The following TRPS1 variants were observed in gnomAD, a reference collection of about 807,000 sequenced individuals.
TRPS1 encodes the protein transcriptional repressor GATA binding 1.
Under a neutral mutation model 101.2 loss-of-function variants are expected in TRPS1, and 6 were observed. The observed-to-expected ratio is 0.06, with a 90% confidence interval of 0.03 to 0.12. TRPS1 has a LOEUF of 0.12. Ranked by LOEUF, TRPS1 falls within the 10% of genes least tolerant of loss-of-function variation. The pLI, the probability that TRPS1 is intolerant of heterozygous loss-of-function variation, is 1.00. For missense variants in TRPS1, 1,363 were observed against 1,567.0 expected (o/e 0.87, Z 2.20); for synonymous variants, 578 against 589.8 (o/e 0.98, Z 0.29).
At chr8:115,517,315 C>T (rs890865070) in intron 5 of TRPS1, among the ~76,000 whole-genome samples, 1 of 151,584 alleles carries the variant, frequency 6.6e-6, no homozygotes, top group South Asian at 2.1e-4. Context: ...TAAATACACA[C>T]CTTCTCTGGA....
chr8:115,490,555 C>G (rs187690835), intron 5 of TRPS1, among the ~76,000 whole-genome samples: 15 of 152,244 alleles, frequency 9.9e-5, no homozygotes, highest in Non-Finnish European at 2.1e-4. Flanking sequence ...CTAGAAGCAG[C>G]TATAAACTTA....
At chr8:115,508,740 C>T (rs962705283) in intron 5 of TRPS1, among the ~76,000 whole-genome samples, 1 of 151,944 alleles carries the variant, frequency 6.6e-6, no homozygotes, top group Non-Finnish European at 1.5e-5. Flanking sequence ...AAACCTTTCT[C>T]TTGTAACTTT....
At chr8:115,605,064 A>T in intron 3 of TRPS1, 62 bp from the exon 4 acceptor site, 10 of 1,486,756 alleles carry the variant, frequency 6.7e-6, no homozygotes, top group African/African-American at 1.4e-5. Flanking sequence ...GGCCCTCTGC[A>T]GGGGAGGGGG....
At chr8:115,618,459 A>C (rs532590340) in intron 3 of TRPS1, among the ~76,000 whole-genome samples, 11 of 152,186 alleles carry the variant, frequency 7.2e-5, no homozygotes, top group Non-Finnish European at 1.3e-4. Context: ...AAAAGTAAAA[A>C]TCTAAATTAT....
chr8:115,427,990 T>C (rs1813230749), intron 5 of TRPS1, among the ~76,000 whole-genome samples: 1 of 152,158 alleles, frequency 6.6e-6, no homozygotes, highest in South Asian at 2.1e-4. Flanking sequence ...GCCTGCTACA[T>C]GGGAGGTTAG....
chr8:115,640,064 C>A (rs1818860500), intron 1 of TRPS1, among the ~76,000 whole-genome samples: 1 of 152,290 alleles, frequency 6.6e-6, no homozygotes, highest in South Asian at 2.1e-4. Flanking sequence ...AGTATCAAAA[C>A]ACCTTAATTC....
Position 115,587,313 on chromosome 8 carries a change from C to G in TRPS1, c.2388G>C (p.Glu796Asp), listed in dbSNP as rs1701828969. Residue 796 changes from glutamate to aspartate, a missense_variant, in exon 5 of 7, where the codon GAG (glutamate) becomes GAC (aspartate). Physicochemically the swap from Glu to Asp is conservative, Grantham distance 45. Around this residue, in one of 5 missense-constraint regions of TRPS1, gnomAD observed 1,020 missense variants for 1,073.0 expected, o/e 0.95. Transcript: ENST00000395715. ...KDGLKEKVWT[E>D]SSSDDLRNVT... ...CATTGCGAAGGTCATCACTGGAACT[C>G]TCGGTCCAAACTTTCTCTTTGAGCC... The G allele has an allele frequency of 6.2e-7, 1 of 1,614,228 alleles. No individual in the cohort carries two copies. Among genetic ancestry groups the G allele is most frequent in the Non-Finnish European group, 8.5e-7 (1 of 1,180,028 alleles).
At chr8:115,585,808 T>C (rs920282963) in intron 5 of TRPS1, among the ~76,000 whole-genome samples, 1 of 152,212 alleles carries the variant, frequency 6.6e-6, no homozygotes, top group Non-Finnish European at 1.5e-5. Context: ...TCTCCTCTTC[T>C]GTATTCAAGT....
rs577120959 is a variant in TRPS1, at chr8:115,421,975, T to G, written c.2701-3523A>C. Among the ~76,000 whole-genome samples, 9 of 152,300 alleles carry G rather than the reference T, an allele frequency of 5.9e-5. No homozygotes were observed. The East Asian group carries it at 1.7e-3, about 29-fold the overall frequency. On this transcript the variant is annotated intron_variant, in intron 5 of 6. Coordinates refer to ENST00000395715, the MANE Select transcript of TRPS1 (RefSeq NM_014112.5). ...TCAAAAACAAAGCTTGGCTTTAACTTAAAGAAAAAGAAAAGCACTAACGAT... is the reference window on the plus strand; with the variant it reads ...TCAAAAACAAAGCTTGGCTTTAACTGAAAGAAAAAGAAAAGCACTAACGAT...
At chr8:115,549,752 A>ATTAGAGTT (rs936598050) in intron 5 of TRPS1, among the ~76,000 whole-genome samples, 4 of 151,954 alleles carry the variant, frequency 2.6e-5, no homozygotes, top group Admixed American at 2.0e-4. Context: ...ATTAGAGTAA[A>ATTAGAGTT]TTAGAGTTTT....
chr8:115,477,435 G>C (rs1344955609), intron 5 of TRPS1, among the ~76,000 whole-genome samples: 1 of 152,146 alleles, frequency 6.6e-6, no homozygotes, highest in Admixed American at 6.5e-5. Context: ...AAGTGCTCCT[G>C]TATCTTTACC....
intron 4 of TRPS1, among the ~76,000 whole-genome samples, chr8:115,594,127 G>A (rs1056566514): frequency 4.6e-5 from 7 of 152,062 alleles, no homozygotes; most frequent in African/African-American, 1.7e-4. Context: ...CAGATATTTT[G>A]CAGATGGCAT....
At chr8:115,533,365 G>A (rs889111145) in intron 5 of TRPS1, among the ~76,000 whole-genome samples, 2 of 146,914 alleles carry the variant, frequency 1.4e-5, no homozygotes, top group African/African-American at 5.0e-5. Flanking sequence ...GCCACACAGG[G>A]AGTACCTATA....
rs1328941909 is a variant in TRPS1, at chr8:115,513,994, T to C, written c.2700+73007A>G. 2.0e-5 allele frequency among the ~76,000 whole-genome samples: 3 copies of C among 151,740 alleles called. No homozygotes were observed. In the Admixed American group the frequency reaches 2.0e-4, roughly 10 times the overall value. On this transcript the variant is annotated intron_variant, in intron 5 of 6. Coordinates refer to ENST00000395715, the MANE Select transcript of TRPS1 (RefSeq NM_014112.5). ...AACAAAAGACTATACGTACCCTTAG[T>C]GAACATAAGGAGTATCCACATGGTA...
At chr8:115,476,039 G>T (rs2130039219) in intron 5 of TRPS1, among the ~76,000 whole-genome samples, 1 of 7,778 alleles carries the variant, frequency 1.3e-4, no homozygotes. Flanking sequence ...TTTTTTTTGA[G>T]ACGGAGTCTC....
chr8:115,639,850 A>G (rs1328263335), intron 1 of TRPS1, among the ~76,000 whole-genome samples: 1 of 152,078 alleles, frequency 6.6e-6, no homozygotes, highest in East Asian at 1.9e-4. Flanking sequence ...AAATAAATAA[A>G]AAGTCTAATA....
At chr8:115,668,341 C>CTTTTTTTT (rs773247592) in intron 1 of TRPS1, 4 of 91,514 alleles carry the variant, frequency 4.4e-5, no homozygotes, top group South Asian at 4.1e-4. Flanking sequence ...TCTCCCTCTG[C>CTTTTTTTT]TTTTTTTTTT....
intron 3 of TRPS1, among the ~76,000 whole-genome samples, chr8:115,607,956 T>C (rs1818077880): frequency 6.6e-6 from 1 of 152,198 alleles, no homozygotes; most frequent in South Asian, 2.1e-4. Flanking sequence ...GCCCCATTTA[T>C]GCTATTTTAA....
chr8:115,535,095 C>T (rs1236067984), intron 5 of TRPS1, among the ~76,000 whole-genome samples: 2 of 145,372 alleles, frequency 1.4e-5, no homozygotes, highest in Admixed American at 6.9e-5. Flanking sequence ...ATATATATCG[C>T]ATATGTATAG....
Sources: gnomAD v4.1 joint callset for allele counts (sites outside exome capture counted in the v4.1 genomes callset) on GRCh38, gnomAD v4.1.1 for gene constraint, gnomAD v4.1.1 regional missense constraint, MANE v1.5 for transcripts, NCBI Gene and HGNC (gene_info 2026-07-23, HGNC 2026-07-21) for gene names.